LARS2: variants seen among roughly 807,000 people sequenced by gnomAD.
LARS2 encodes leucyl-tRNA synthetase 2, mitochondrial, also known as leucine--tRNA ligase, mitochondrial.
A neutral mutation model predicts 116.6 loss-of-function variants in LARS2; 81 were observed. That is an observed-to-expected ratio of 0.69 (90% CI 0.58 to 0.84). The LOEUF (loss-of-function observed/expected upper bound fraction) is 0.84. LARS2 is among the 40% of genes least tolerant of loss of function. The probability of loss-of-function intolerance (pLI) is 0.00; values close to 1 mark genes in which losing one functional copy is unlikely to be tolerated. For missense variants in LARS2, 968 were observed against 1,114.5 expected (o/e 0.87, Z 1.87); for synonymous variants, 396 against 407.2 (o/e 0.97, Z 0.33).
At chr3:45,410,157 T>G (rs1698306377) in intron 4 of LARS2, among the ~76,000 whole-genome samples, 1 of 152,200 alleles carries the variant, frequency 6.6e-6, no homozygotes, top group African/African-American at 2.4e-5. Context: ...TTTCCCCCCT[T>G]TCTTGTGGAA....
chr3:45,547,060 G>A (rs1312328019), intron 21 of LARS2, among the ~76,000 whole-genome samples: 1 of 152,214 alleles, frequency 6.6e-6, no homozygotes, highest in Non-Finnish European at 1.5e-5. Context: ...TACCACAGCT[G>A]TGTATGGGAG....
At position 45,414,803 on chromosome 3, in the gene LARS2, G is replaced by C. The variant is rs142196635; in HGVS notation, c.364-2679G>C. 2.6e-4 allele frequency among the ~76,000 whole-genome samples: 39 copies of C among 152,124 alleles called. No homozygotes were observed. The South Asian group carries it at 4.6e-3, about 18-fold the overall frequency. On this transcript the variant is annotated intron_variant, in intron 4 of 21. Transcript: ENST00000645846. ...CCATGAACTTGATAGGAAATAAGAG[G>C]GTCAACTGGAATGGGCTGTTTTCTA...
At chr3:45,445,205 A>G (rs1194214178) in intron 6 of LARS2, among the ~76,000 whole-genome samples, 2 of 152,170 alleles carry the variant, frequency 1.3e-5, no homozygotes, top group Non-Finnish European at 2.9e-5. Flanking sequence ...TCCTTCAACA[A>G]CAATTTTGGG....
intron 10 of LARS2, among the ~76,000 whole-genome samples, chr3:45,483,216 C>A (rs1301421092): frequency 1.3e-5 from 2 of 152,196 alleles, no homozygotes; most frequent in East Asian, 3.8e-4. Context: ...GCCGTATATG[C>A]CTATACTGCT....
intron 20 of LARS2, among the ~76,000 whole-genome samples, chr3:45,528,699 T>C (rs559205992): frequency 1.3e-5 from 2 of 152,376 alleles, no homozygotes; most frequent in East Asian, 3.9e-4. Context: ...TCTGTTTTAT[T>C]TCATTTAGCA....
At chr3:45,434,468 AT>A (rs1412736683) in intron 6 of LARS2, among the ~76,000 whole-genome samples, 1 of 151,898 alleles carries the variant, frequency 6.6e-6, no homozygotes, top group Non-Finnish European at 1.5e-5. Context: ...GGGACTTTCT[AT>A]TTTCTCATTT....
intron 21 of LARS2, among the ~76,000 whole-genome samples, chr3:45,544,898 T>A (rs896105820): frequency 1.1e-4 from 16 of 151,338 alleles, no homozygotes; most frequent in African/African-American, 3.9e-4. Flanking sequence ...AGACCCGGGC[T>A]GAGCCAGGGA....
In LARS2 at chr3:45,517,894, T is replaced by C; in HGVS notation, c.2045-9T>C. The C allele has an allele frequency of 1.2e-6, 2 of 1,608,084 alleles. No homozygotes were observed. Among genetic ancestry groups the C allele is most frequent in the South Asian group, 2.2e-5 (2 of 90,316 alleles). On this transcript the variant is annotated splice_polypyrimidine_tract_variant and intron_variant, in intron 17 of 21. Coordinates refer to ENST00000645846, the MANE Select transcript of LARS2 (RefSeq NM_015340.4). ...CTCTCTCTTTCTCATTTACTGATGC[T>C]GAATTCAGCTGATGCTCTCCCTGGG...
At chr3:45,538,048 A>G (rs1700735017) in intron 20 of LARS2, among the ~76,000 whole-genome samples, 1 of 152,212 alleles carries the variant, frequency 6.6e-6, no homozygotes, top group African/African-American at 2.4e-5. Context: ...CCTTGGCATT[A>G]CCACATAAAG....
intron 8 of LARS2, among the ~76,000 whole-genome samples, chr3:45,468,757 C>G (rs922587126): frequency 1.3e-5 from 2 of 152,196 alleles, no homozygotes; most frequent in Non-Finnish European, 2.9e-5. Context: ...AGAGATTAGT[C>G]AAATTGGCTG....
intron 6 of LARS2, among the ~76,000 whole-genome samples, chr3:45,427,259 C>T (rs962112810): frequency 3.3e-5 from 5 of 152,108 alleles, no homozygotes; most frequent in African/African-American, 4.8e-5. Flanking sequence ...GATTGTTATT[C>T]CATGAAAATA....
chr3:45,420,292 C>T (rs1698494607), intron 6 of LARS2, among the ~76,000 whole-genome samples: 2 of 152,196 alleles, frequency 1.3e-5, no homozygotes, highest in African/African-American at 4.8e-5. Flanking sequence ...GTGTTGCAAA[C>T]AAATTGTGAA....
chr3:45,425,358 C>T (rs1443590775), intron 6 of LARS2, among the ~76,000 whole-genome samples: 1 of 152,154 alleles, frequency 6.6e-6, no homozygotes, highest in Non-Finnish European at 1.5e-5. Context: ...TAGAAGCTGC[C>T]CTGTAAGGCT....
Position 45,518,081 on chromosome 3 carries a change from C to T in LARS2, c.2214+9C>T. ...ACTCCGTCATCTCTCAGGTCAGAAACTCTCCAATTCCAGGGGTTAACTCTG... is the reference window on the plus strand; with the variant it reads ...ACTCCGTCATCTCTCAGGTCAGAAATTCTCCAATTCCAGGGGTTAACTCTG... On this transcript the variant is annotated intron_variant, in intron 18 of 21. Coordinates refer to ENST00000645846, the MANE Select transcript of LARS2 (RefSeq NM_015340.4). 1.9e-6 allele frequency: 3 copies of T among 1,605,676 alleles called. No homozygotes were observed. Among genetic ancestry groups the T allele is most frequent in the East Asian group, 2.2e-5 (1 of 44,782 alleles).
chr3:45,543,730 C>T lies in LARS2; in HGVS notation c.2532+1774C>T, dbSNP rs568081485. ...CTGCCCACCTCAGCCTCCCAAAGTGCTGGGATTACAGGCAGGAGCCACCGC... is the reference window on the plus strand; with the variant it reads ...CTGCCCACCTCAGCCTCCCAAAGTGTTGGGATTACAGGCAGGAGCCACCGC... On this transcript the variant is annotated intron_variant, in intron 21 of 21. Coordinates refer to ENST00000645846, the MANE Select transcript of LARS2 (RefSeq NM_015340.4). 5.3e-5 allele frequency among the ~76,000 whole-genome samples: 8 copies of T among 152,226 alleles called. No individual in the cohort carries two copies. In the South Asian group the frequency reaches 1.7e-3, roughly 32 times the overall value.
chr3:45,483,190 G>T (rs1346552301), intron 10 of LARS2, among the ~76,000 whole-genome samples: 1 of 152,150 alleles, frequency 6.6e-6, no homozygotes, highest in African/African-American at 2.4e-5. Context: ...ATCCCTATCT[G>T]TATGTCTGTC....
intron 10 of LARS2, among the ~76,000 whole-genome samples, chr3:45,479,650 T>G (rs964853356): frequency 1.5e-4 from 23 of 152,210 alleles, no homozygotes; most frequent in African/African-American, 5.5e-4. Context: ...TTTATTTCCA[T>G]AATCGTTGAC....
chr3:45,429,382 C>A (rs1301460816), intron 6 of LARS2, among the ~76,000 whole-genome samples: 1 of 152,152 alleles, frequency 6.6e-6, no homozygotes, highest in Non-Finnish European at 1.5e-5. Context: ...GTCCCTGTTT[C>A]CATACTGGTC....
chr3:45,538,617 G>C (rs1700746526), intron 20 of LARS2, among the ~76,000 whole-genome samples: 1 of 152,222 alleles, frequency 6.6e-6, no homozygotes, highest in Non-Finnish European at 1.5e-5. Context: ...CTGGGCAGCA[G>C]GAATCTGTCT....
Sources: allele counts gnomAD v4.1 joint callset (sites outside exome capture counted in the v4.1 genomes callset), GRCh38; gene constraint gnomAD v4.1.1; transcripts MANE v1.5; gene names NCBI Gene and HGNC (gene_info 2026-07-23, HGNC 2026-07-21).